KLF7: variants seen among roughly 807,000 people sequenced by gnomAD.
The protein encoded by KLF7 is Krueppel-like factor 7.
Under a neutral mutation model 27.3 loss-of-function variants are expected in KLF7, and 2 were observed. The ratio of observed to expected loss-of-function variants is 0.07; its 90% confidence interval spans 0.03 to 0.23. The LOEUF is 0.23. KLF7 is among the 10% of genes least tolerant of loss of function. The pLI is 1.00. For missense variants in KLF7, 221 were observed against 394.1 expected, an observed-to-expected ratio of 0.56 and a Z score of 3.72; for synonymous variants, 165 against 162.4, an observed-to-expected ratio of 1.02 and a Z score of -0.12.
chr2:207,099,551 G>C (rs189359268), intron 2 of KLF7, among the ~76,000 whole-genome samples: 2 of 57,568 alleles, frequency 3.5e-5, no homozygotes, highest in South Asian at 4.6e-4. Context: ...CTACATATGC[G>C]ATATATATAT....
chr2:207,166,373 G>A (rs1039738901), upstream of KLF7: 7 of 178,978 alleles, frequency 3.9e-5, no homozygotes, highest in Non-Finnish European at 6.5e-5. Flanking sequence ...GGCTGAGGCG[G>A]CCGCCCGGCG....
chr2:207,113,667 T>TACCC (rs2077100788), intron 2 of KLF7, among the ~76,000 whole-genome samples: 2 of 148,800 alleles, frequency 1.3e-5, no homozygotes, highest in Non-Finnish European at 3.0e-5. Flanking sequence ...AACAGCTGTG[T>TACCC]AGCAGGCCCA....
rs1192264351 is a variant in KLF7, at chr2:207,124,421, G to T, written c.103-17C>A. The stretch of plus-strand genomic sequence containing the variant: ...AAGGCATGTCTGCAAGAGGAAGAAG[G>T]AGGGAGAGAAACAGCCATCAGAGGC... On this transcript the variant is annotated splice_polypyrimidine_tract_variant and intron_variant, in intron 1 of 3. Coordinates refer to ENST00000309446, the MANE Select transcript of KLF7 (RefSeq NM_003709.4). The T allele has an allele frequency of 1.3e-6, 2 of 1,536,724 alleles. No homozygotes were observed. Among genetic ancestry groups the T allele is most frequent in the African/African-American group, 2.8e-5 (2 of 72,576 alleles).
At chr2:207,098,590 G>A (rs1193452585) in intron 2 of KLF7, among the ~76,000 whole-genome samples, 1 of 150,998 alleles carries the variant, frequency 6.6e-6, no homozygotes, top group Non-Finnish European at 1.5e-5. Context: ...AACGTATACA[G>A]GAACAGACTC....
chr2:207,110,592 ACAG>A (rs2077008787), intron 2 of KLF7, among the ~76,000 whole-genome samples: 1 of 152,274 alleles, frequency 6.6e-6, no homozygotes, highest in African/African-American at 2.4e-5. Flanking sequence ...TCAAATTATT[ACAG>A]GTCAGGAGCC....
chr2:207,159,483 G>T (rs2078481072), intron 1 of KLF7, among the ~76,000 whole-genome samples: 1 of 152,038 alleles, frequency 6.6e-6, no homozygotes, highest in Non-Finnish European at 1.5e-5. Context: ...ACTTAATTTT[G>T]AACATGCTTT....
At chr2:207,111,384 A>G (rs2077033230) in intron 2 of KLF7, among the ~76,000 whole-genome samples, 1 of 152,214 alleles carries the variant, frequency 6.6e-6, no homozygotes, top group Non-Finnish European at 1.5e-5. Flanking sequence ...GTGTCCAGCT[A>G]CAGGCTGAGA....
In KLF7 at chr2:207,165,908, C is replaced by T; in HGVS notation, c.-340G>A. 8.9e-7 allele frequency: 1 copy of T among 1,121,172 alleles called. No homozygotes were observed. Among genetic ancestry groups the T allele is most frequent in the Non-Finnish European group, 1.1e-6 (1 of 912,636 alleles). 69.5% of individuals were successfully genotyped at this position (1,121,172 alleles called of 1,614,324 possible). On this transcript the variant is annotated 5_prime_UTR_variant, in exon 1 of 4. Transcript: ENST00000309446. ...CGTGGATCAGGAAGGGGGATGCAAA[C>T]TCACTGACACGAAGCTGCCATCTAT...
chr2:207,120,442 T>C (rs1353210819), intron 2 of KLF7, among the ~76,000 whole-genome samples: 1 of 152,178 alleles, frequency 6.6e-6, no homozygotes, highest in East Asian at 1.9e-4. Context: ...CTTCACTGTA[T>C]CTCCTTTGCA....
At chr2:207,155,090 A>G (rs1349559475) in intron 1 of KLF7, among the ~76,000 whole-genome samples, 1 of 152,228 alleles carries the variant, frequency 6.6e-6, no homozygotes, top group Non-Finnish European at 1.5e-5. Flanking sequence ...CCCAGCTCAA[A>G]TACTTCCAAG....
intron 1 of KLF7, chr2:207,133,973 A>C (rs1187310723): frequency 3.3e-6 from 3 of 899,394 alleles, no homozygotes; most frequent in East Asian, 5.6e-5. Flanking sequence ...ATCCTGTTTT[A>C]CAGCCCGCTC....
chr2:207,102,125 T>TACAC (rs1553522202), intron 2 of KLF7, among the ~76,000 whole-genome samples: 6,000 of 121,240 alleles, frequency 0.049, 301 homozygotes, highest in East Asian at 0.2. Flanking sequence ...TACATTCACA[T>TACAC]TCACACACAC....
chr2:207,172,886 G>A, the KLF7 span, among the ~76,000 whole-genome samples: 1 of 152,192 alleles, frequency 6.6e-6, no homozygotes, highest in African/African-American at 2.4e-5. Context: ...GCATTGTATT[G>A]TAAATGTTTG....
At position 207,090,173 on chromosome 2, in the gene KLF7, A is replaced by T. The variant is rs543404211; in HGVS notation, c.734-1592T>A. On this transcript the variant is annotated intron_variant, in intron 2 of 3. Transcript: ENST00000309446. The stretch of plus-strand genomic sequence containing the variant: ...AAACACGGGCATTTCTTTTAAAGGG[A>T]ACCAAGAGGACATGAAGGAGGGCTG... 7.0e-4 allele frequency among the ~76,000 whole-genome samples: 107 copies of T among 152,248 alleles called. 1 individual carries two copies. The highest frequency in any genetic ancestry group is 2.5e-3 in the African/African-American group (104 of 41,562).
Position 207,105,354 on chromosome 2 carries a change from C to T in KLF7, c.734-16773G>A, listed in dbSNP as rs11891986. Among the ~76,000 whole-genome samples the T allele has an allele frequency of 4.9e-3, 742 of 152,220 alleles. 10 individuals carry two copies. The highest frequency in any genetic ancestry group is 0.017 in the African/African-American group (718 of 41,520). ...CATGTTCTTTATGTATCAGGCAGCC[C>T]GATGGTGCTTTACCTGTGCTATTTC... On this transcript the variant is annotated intron_variant, in intron 2 of 3. Coordinates refer to ENST00000309446, the MANE Select transcript of KLF7 (RefSeq NM_003709.4).
Position 207,076,814 on chromosome 2 carries a change from A to G in KLF7, c.*4399T>C, listed in dbSNP as rs2076184184. On this transcript the variant is annotated 3_prime_UTR_variant, in exon 4 of 4. Coordinates refer to ENST00000309446, the MANE Select transcript of KLF7 (RefSeq NM_003709.4). ...TTGAGTCCTCCCCTCCTGCCCCCCA[A>G]CTCTTGCGCTTGGCAGGTGGCCACT... The G allele has an allele frequency of 6.6e-6, 1 of 151,934 alleles. No individual in the cohort carries two copies. Among genetic ancestry groups the G allele is most frequent in the Non-Finnish European group, 1.5e-5 (1 of 67,980 alleles). 9.4% of individuals were successfully genotyped at this position (151,934 alleles called of 1,614,324 possible).
At chr2:207,095,454 C>T (rs1304497229) in intron 2 of KLF7, among the ~76,000 whole-genome samples, 1 of 152,184 alleles carries the variant, frequency 6.6e-6, no homozygotes, top group Non-Finnish European at 1.5e-5. Flanking sequence ...AAAATTTAAA[C>T]CATATCCTCA....
At chr2:207,166,183 G>T (rs754436938), upstream of KLF7, 31 of 985,974 alleles carry the variant, frequency 3.1e-5, no homozygotes, top group Non-Finnish European at 3.7e-5. Context: ...ATTAGGCCGC[G>T]TGTGACCATG....
intron 2 of KLF7, among the ~76,000 whole-genome samples, chr2:207,101,827 T>C (rs765135659): frequency 2.0e-5 from 3 of 152,160 alleles, no homozygotes; most frequent in Non-Finnish European, 2.9e-5. Context: ...GAGACTATCA[T>C]ATTGTTTGAG....
Sources: gnomAD v4.1 joint callset for allele counts (sites outside exome capture counted in the v4.1 genomes callset) on GRCh38, gnomAD v4.1.1 for gene constraint, MANE v1.5 for transcripts, NCBI Gene and HGNC (gene_info 2026-07-23, HGNC 2026-07-21) for gene names.